The following EXOC6B variants were observed in gnomAD, a reference collection of about 807,000 sequenced individuals.
The protein encoded by EXOC6B is SEC15 homolog B.
EXOC6B carries 54 observed loss-of-function variants against 113.5 expected under a neutral mutation model. That is an observed-to-expected ratio of 0.48 (90% CI 0.38 to 0.60). The LOEUF (loss-of-function observed/expected upper bound fraction) is 0.60. Ranked by LOEUF, EXOC6B falls within the 20% of genes least tolerant of loss-of-function variation. The pLI, the probability that EXOC6B is intolerant of heterozygous loss-of-function variation, is 0.00. For synonymous variants in EXOC6B, 357 were observed against 339.0 expected (o/e 1.05, Z -0.58); for missense variants, 797 against 977.5 (o/e 0.82, Z 2.46).
intron 20 of EXOC6B, among the ~76,000 whole-genome samples, chr2:72,264,749 G>T (rs993720941): frequency 6.6e-6 from 1 of 151,852 alleles, no homozygotes; most frequent in Non-Finnish European, 1.5e-5. Context: ...TGAGTCTCAC[G>T]AGATCTGATG....
At chr2:72,610,841 C>T (rs547792037) in intron 6 of EXOC6B, among the ~76,000 whole-genome samples, 9 of 152,266 alleles carry the variant, frequency 5.9e-5, no homozygotes, top group Middle Eastern at 3.4e-3. Context: ...AAGCCAAAAA[C>T]GGAAAACTCC....
At chr2:72,546,442 CAA>C (rs1300277660) in intron 8 of EXOC6B, among the ~76,000 whole-genome samples, 2 of 150,754 alleles carry the variant, frequency 1.3e-5, no homozygotes, top group East Asian at 3.9e-4. Flanking sequence ...ACTCCATCTC[CAA>C]AAAAAAGAGA....
chr2:72,232,763 T>C (rs564376214), intron 20 of EXOC6B, among the ~76,000 whole-genome samples: 2 of 152,168 alleles, frequency 1.3e-5, no homozygotes, highest in Admixed American at 6.5e-5. Context: ...ATAAGAAATA[T>C]GTATTACTTT....
chr2:72,735,870 CA>C (rs1461766151), intron 2 of EXOC6B, among the ~76,000 whole-genome samples: 2 of 151,122 alleles, frequency 1.3e-5, no homozygotes, highest in Admixed American at 1.3e-4. Flanking sequence ...CAATACCATT[CA>C]ATAACTATTT....
chr2:72,371,059 A>C (rs1690983226), intron 19 of EXOC6B, among the ~76,000 whole-genome samples: 1 of 151,764 alleles, frequency 6.6e-6, no homozygotes, highest in African/African-American at 2.4e-5. Flanking sequence ...CAAAAAAAAA[A>C]GAAGAACAGA....
intron 6 of EXOC6B, among the ~76,000 whole-genome samples, chr2:72,714,106 T>A (rs947157564): frequency 1.3e-5 from 2 of 152,208 alleles, no homozygotes; most frequent in Non-Finnish European, 2.9e-5. Context: ...ACCAGGGACA[T>A]GCACTTTGGT....
chr2:72,591,190 T>C (rs991458350), intron 6 of EXOC6B, among the ~76,000 whole-genome samples: 1 of 152,056 alleles, frequency 6.6e-6, no homozygotes, highest in Non-Finnish European at 1.5e-5. Context: ...ACCATCTGTC[T>C]ACATATGTGA....
intron 1 of EXOC6B, among the ~76,000 whole-genome samples, chr2:72,759,704 C>T (rs766960898): frequency 6.6e-6 from 1 of 152,146 alleles, no homozygotes; most frequent in Non-Finnish European, 1.5e-5. Context: ...AACATTTAAA[C>T]GGAGATTTGC....
intron 17 of EXOC6B, among the ~76,000 whole-genome samples, chr2:72,466,720 A>T (rs2105426761): frequency 6.6e-6 from 1 of 152,322 alleles, no homozygotes; most frequent in African/African-American, 2.4e-5. Flanking sequence ...TGAAATATGT[A>T]TACACTGAAA....
chr2:72,177,836 CTTAT>C lies in EXOC6B; in HGVS notation c.*1495_*1498del, dbSNP rs1347807009. ...ATCCAAGCTGGAAATGCCTGTGTGG[CTTAT>C]TTGTCATTGTTTGGTGATGCACAAT... On this transcript the variant is annotated 3_prime_UTR_variant, in exon 22 of 22. Transcript: ENST00000272427. The C allele has an allele frequency of 2.6e-5, 4 of 152,164 alleles. No homozygotes were observed. The highest frequency in any genetic ancestry group is 5.9e-5 in the Non-Finnish European group (4 of 68,028). 9.4% of individuals were successfully genotyped at this position (152,164 alleles called of 1,614,324 possible).
At chr2:72,807,972 A>G (rs1685672893) in intron 1 of EXOC6B, among the ~76,000 whole-genome samples, 1 of 152,246 alleles carries the variant, frequency 6.6e-6, no homozygotes, top group Middle Eastern at 3.2e-3. Flanking sequence ...ATTGTCTGTA[A>G]CACAAAGGAT....
intron 6 of EXOC6B, among the ~76,000 whole-genome samples, chr2:72,623,082 A>G (rs1240896887): frequency 1.3e-5 from 2 of 152,202 alleles, no homozygotes; most frequent in African/African-American, 4.8e-5. Context: ...GGGTATGTTC[A>G]CTTTGTGAAA....
chr2:72,738,574 T>C (rs1681110287), intron 2 of EXOC6B, among the ~76,000 whole-genome samples: 2 of 152,318 alleles, frequency 1.3e-5, no homozygotes, highest in Admixed American at 1.3e-4. Context: ...AAACTTAAAA[T>C]ACAAAGAAAA....
At chr2:72,190,604 G>T (rs1678766111) in intron 20 of EXOC6B, among the ~76,000 whole-genome samples, 1 of 152,088 alleles carries the variant, frequency 6.6e-6, no homozygotes. Context: ...AACCAATCTA[G>T]TTTCTCGTTT....
At chr2:72,306,591 A>C (rs1167536794) in intron 20 of EXOC6B, among the ~76,000 whole-genome samples, 1 of 152,174 alleles carries the variant, frequency 6.6e-6, no homozygotes, top group African/African-American at 2.4e-5. Context: ...TGCAGCTACA[A>C]ACATCTTATG....
rs943883514 is a variant in EXOC6B, at chr2:72,176,015, G to C, written c.*3320C>G. ...TTGAAACAGGTATGTAGGCTTTCTT[G>C]TTTAATAGCAGTTAAAAGAGGAAAA... On this transcript the variant is annotated 3_prime_UTR_variant, in exon 22 of 22. Transcript: ENST00000272427. The C allele has an allele frequency of 1.3e-5, 2 of 152,218 alleles. No homozygotes were observed. The highest frequency in any genetic ancestry group is 2.4e-5 in the African/African-American group (1 of 41,442). 9.4% of individuals were successfully genotyped at this position (152,218 alleles called of 1,614,324 possible).
chr2:72,475,636 A>T (rs1698692953), intron 17 of EXOC6B, among the ~76,000 whole-genome samples: 1 of 152,090 alleles, frequency 6.6e-6, no homozygotes, highest in Admixed American at 6.5e-5. Context: ...TAGGCACCAG[A>T]TGCAGTAGTT....
rs1237385156 is a variant in EXOC6B at position 72,823,459 on chromosome 2, G to GAAAAAAAAAAAAAAA, written c.113+2324_113+2338dup. 1.3e-4 allele frequency among the ~76,000 whole-genome samples: 9 copies of GAAAAAAAAAAAAAAA among 70,010 alleles called. 1 individual carries two copies. The highest frequency in any genetic ancestry group is 0.012 in the Middle Eastern group (1 of 82). 45.9% of individuals were successfully genotyped at this position (70,010 alleles called of 152,430 possible). On this transcript the variant is annotated intron_variant, in intron 1 of 21. Coordinates refer to ENST00000272427, the MANE Select transcript of EXOC6B (RefSeq NM_015189.3). ...CCAACTTCTCAAATCAAAGTTTTAA[G>GAAAAAAAAAAAAAAA]AAAAAAAAAAAAAAAAAAACAAAAA... is the stretch of plus-strand genomic sequence containing the variant.
At chr2:72,456,623 T>C (rs1466074077) in intron 18 of EXOC6B, among the ~76,000 whole-genome samples, 1 of 152,180 alleles carries the variant, frequency 6.6e-6, no homozygotes, top group Non-Finnish European at 1.5e-5. Flanking sequence ...CTGTATCCCT[T>C]ACAAAGTACA....
Sources: allele counts gnomAD v4.1 joint callset (sites outside exome capture counted in the v4.1 genomes callset), GRCh38; gene constraint gnomAD v4.1.1; transcripts MANE v1.5; gene names NCBI Gene and HGNC (gene_info 2026-07-23, HGNC 2026-07-21).